SLC9A9: variants seen among roughly 807,000 people sequenced by gnomAD.
The protein encoded by SLC9A9 is solute carrier family 9 member A9.
In SLC9A9, 62 loss-of-function variants were observed where a neutral mutation model predicts 77.8. The ratio of observed to expected loss-of-function variants is 0.80; its 90% CI spans 0.65 to 0.98. The LOEUF is 0.98. Ranked by LOEUF, SLC9A9 falls within the 50% of genes least tolerant of loss-of-function variation. SLC9A9 has a pLI of 0.00. For missense variants in SLC9A9, 775 were observed against 774.9 expected (o/e 1.00, Z 0.00); for synonymous variants, 320 against 283.5 (o/e 1.13, Z -1.29).
At chr3:143,319,078 C>A (rs2031324034) in intron 14 of SLC9A9, among the ~76,000 whole-genome samples, 1 of 152,132 alleles carries the variant, frequency 6.6e-6, no homozygotes, top group South Asian at 2.1e-4. Context: ...GAAATTGCCA[C>A]AAATTTGGCT....
chr3:143,552,552 G>A (rs2036911108), intron 8 of SLC9A9, 102 bp from the exon 9 acceptor site: 6 of 918,070 alleles, frequency 6.5e-6, no homozygotes, highest in South Asian at 5.6e-5. Context: ...TGTCAGTAGA[G>A]TTAAAACTGC....
chr3:143,502,484 CAT>C (rs1378379267), intron 9 of SLC9A9, among the ~76,000 whole-genome samples: 2 of 152,036 alleles, frequency 1.3e-5, no homozygotes, highest in African/African-American at 2.4e-5. Context: ...AAAAAAAAGT[CAT>C]ATCTATTTTA....
intron 1 of SLC9A9, among the ~76,000 whole-genome samples, chr3:143,845,941 A>T (rs1379859038): frequency 1.3e-5 from 2 of 152,218 alleles, no homozygotes; most frequent in Non-Finnish European, 2.9e-5. Context: ...ACCCAACTTA[A>T]TTCCACTCAT....
intron 2 of SLC9A9, among the ~76,000 whole-genome samples, chr3:143,809,550 G>C (rs2008809305): frequency 1.3e-5 from 2 of 152,302 alleles, no homozygotes; most frequent in South Asian, 4.1e-4. Flanking sequence ...ATTCTCCCCA[G>C]ACTTTGTGTT....
chr3:143,512,248 A>C (rs775662549), intron 9 of SLC9A9, among the ~76,000 whole-genome samples: 1 of 152,240 alleles, frequency 6.6e-6, no homozygotes, highest in Non-Finnish European at 1.5e-5. Context: ...ATATGTAATA[A>C]AACTTTATAG....
At chr3:143,272,990 G>A (rs1277957791) in intron 14 of SLC9A9, among the ~76,000 whole-genome samples, 2 of 152,222 alleles carry the variant, frequency 1.3e-5, no homozygotes, top group African/African-American at 4.8e-5. Context: ...CCTTTGGTCT[G>A]GGCTAACAGC....
intron 4 of SLC9A9, among the ~76,000 whole-genome samples, chr3:143,777,118 GT>G (rs1329845798): frequency 6.6e-6 from 1 of 152,140 alleles, no homozygotes; most frequent in Non-Finnish European, 1.5e-5. Context: ...AGAAATACCA[GT>G]CTGGTGTTGG....
intron 4 of SLC9A9, among the ~76,000 whole-genome samples, chr3:143,751,520 A>G (rs757484483): frequency 6.6e-6 from 1 of 152,128 alleles, no homozygotes; most frequent in Non-Finnish European, 1.5e-5. Flanking sequence ...ACAGCTCTGA[A>G]GGGCCATCCT....
intron 14 of SLC9A9, among the ~76,000 whole-genome samples, chr3:143,362,786 G>A (rs1414382175): frequency 6.6e-6 from 1 of 152,170 alleles, no homozygotes; most frequent in Non-Finnish European, 1.5e-5. Flanking sequence ...AGAGATGGAT[G>A]GCTTACTGCA....
chr3:143,684,339 T>A (rs1560030072), intron 5 of SLC9A9, among the ~76,000 whole-genome samples: 2 of 152,112 alleles, frequency 1.3e-5, no homozygotes, highest in African/African-American at 4.8e-5. Context: ...GTGAGAGAAC[T>A]GAACTAATAA....
intron 14 of SLC9A9, among the ~76,000 whole-genome samples, chr3:143,327,365 GA>G (rs2031636799): frequency 6.6e-6 from 1 of 152,160 alleles, no homozygotes; most frequent in African/African-American, 2.4e-5. Flanking sequence ...AGAAGAAAAG[GA>G]AAATAAACTT....
chr3:143,396,677 G>C (rs889825044), intron 12 of SLC9A9, among the ~76,000 whole-genome samples: 3 of 152,166 alleles, frequency 2.0e-5, no homozygotes, highest in Non-Finnish European at 4.4e-5. Context: ...TTCTTGTTGT[G>C]GTAGTGGTAT....
chr3:143,840,605 T>G lies in SLC9A9; in HGVS notation c.175+7543A>C, dbSNP rs531738903. Among the ~76,000 whole-genome samples the G allele has an allele frequency of 9.8e-5, 15 of 152,346 alleles. No homozygotes were observed. In the South Asian group the frequency reaches 3.1e-3, roughly 32 times the overall value. On this transcript the variant is annotated intron_variant, in intron 1 of 15. Coordinates refer to ENST00000316549, the MANE Select transcript of SLC9A9 (RefSeq NM_173653.4). Reference sequence around the variant, plus strand: ...ACTCCAGCTACTTAATATGGATGTATTTTCATAGTTTTGCCCCCATTCTGT... The same window carrying G: ...ACTCCAGCTACTTAATATGGATGTAGTTTCATAGTTTTGCCCCCATTCTGT...
intron 4 of SLC9A9, among the ~76,000 whole-genome samples, chr3:143,769,737 C>T (rs950143180): frequency 6.6e-6 from 1 of 152,138 alleles, no homozygotes; most frequent in African/African-American, 2.4e-5. Flanking sequence ...CAATAAAGTA[C>T]AGCAATTTGT....
chr3:143,632,923 T>G (rs2038451170), intron 6 of SLC9A9, among the ~76,000 whole-genome samples: 1 of 152,204 alleles, frequency 6.6e-6, no homozygotes, highest in Admixed American at 6.5e-5. Context: ...GTCACCAAAC[T>G]AATCAGTTAA....
chr3:143,320,031 C>T lies in SLC9A9; in HGVS notation c.1604+43453G>A, dbSNP rs111891262. Among the ~76,000 whole-genome samples the T allele has an allele frequency of 5.5e-3, 843 of 152,280 alleles. 11 individuals are homozygous for T. Among genetic ancestry groups the T allele is most frequent in the African/African-American group, 0.019 (805 of 41,548 alleles). Reference sequence around the variant, plus strand: ...GCCCTATAAACATGAGTTGTTTTTCCATTGGAGATAGATCCCACTTAGTTC... The same window carrying T: ...GCCCTATAAACATGAGTTGTTTTTCTATTGGAGATAGATCCCACTTAGTTC... On this transcript the variant is annotated intron_variant, in intron 14 of 15. Coordinates refer to ENST00000316549, the MANE Select transcript of SLC9A9 (RefSeq NM_173653.4).
intron 12 of SLC9A9, among the ~76,000 whole-genome samples, chr3:143,464,525 C>T (rs188568405): frequency 2.6e-5 from 4 of 151,714 alleles, no homozygotes; most frequent in Admixed American, 1.3e-4. Flanking sequence ...AGCCCCTCCT[C>T]CCTTTAGTAT....
intron 12 of SLC9A9, among the ~76,000 whole-genome samples, chr3:143,396,283 G>A (rs2033726254): frequency 6.6e-6 from 1 of 152,160 alleles, no homozygotes; most frequent in South Asian, 2.1e-4. Context: ...AAAATGATGA[G>A]TTCCTGTCCT....
chr3:143,604,081 C>T lies in SLC9A9; in HGVS notation c.756-25358G>A, dbSNP rs868780331. ...CTGCAGAATCATAAAAACTGACGTG[C>T]TTTCCTTTTCACTCTGTTGCCAGGA... On this transcript the variant is annotated intron_variant, in intron 6 of 15. Coordinates refer to ENST00000316549, the MANE Select transcript of SLC9A9 (RefSeq NM_173653.4). Among the ~76,000 whole-genome samples the T allele has an allele frequency of 5.9e-5, 9 of 152,300 alleles. No homozygotes were observed. In the Middle Eastern group the frequency reaches 0.014, roughly 230 times the overall value.
Sources: gnomAD v4.1 joint callset for allele counts (sites outside exome capture counted in the v4.1 genomes callset) on GRCh38, gnomAD v4.1.1 for gene constraint, MANE v1.5 for transcripts, NCBI Gene and HGNC (gene_info 2026-07-23, HGNC 2026-07-21) for gene names.